Variants in STK39 observed in about 807,000 individuals in gnomAD.
STK39 encodes the protein STE20/SPS1-related proline-alanine-rich protein kinase.
In STK39, 20 loss-of-function variants were observed where a neutral mutation model predicts 77.8. That is an observed-to-expected ratio of 0.26 (90% CI 0.18 to 0.37). The LOEUF is 0.37. Among genes scored for constraint, STK39 ranks in the 10% least tolerant of loss-of-function variants. The pLI is 1.00. For synonymous variants in STK39, 246 were observed against 234.1 expected, an observed-to-expected ratio of 1.05 and a Z score of -0.47; for missense variants, 479 against 656.5, an observed-to-expected ratio of 0.73 and a Z score of 2.95.
At chr2:168,002,271 A>G (rs1252507708) in intron 16 of STK39, among the ~76,000 whole-genome samples, 1 of 152,244 alleles carries the variant, frequency 6.6e-6, no homozygotes, top group Non-Finnish European at 1.5e-5. Context: ...TACTGCTGCA[A>G]TGAGTCATAA....
intron 5 of STK39, among the ~76,000 whole-genome samples, chr2:168,153,759 G>C (rs931987767): frequency 2.0e-5 from 3 of 152,130 alleles, no homozygotes; most frequent in Non-Finnish European, 4.4e-5. Flanking sequence ...AAAGATCCCG[G>C]GGCAGCAGCA....
intron 1 of STK39, among the ~76,000 whole-genome samples, chr2:168,224,684 TA>T (rs1690261510): frequency 6.6e-6 from 1 of 152,244 alleles, no homozygotes; most frequent in Non-Finnish European, 1.5e-5. Context: ...TAGTTTTTAA[TA>T]AAACAATAAT....
chr2:168,095,712 C>T (rs939172423), intron 10 of STK39, among the ~76,000 whole-genome samples: 9 of 150,240 alleles, frequency 6.0e-5, no homozygotes, highest in South Asian at 2.1e-4. Context: ...CTGCAAGCTC[C>T]GCCTCCTGGG....
rs140621556 is a variant in STK39, at chr2:168,164,929, G to A, written c.431-1049C>T. 6.8e-3 allele frequency among the ~76,000 whole-genome samples: 1,032 copies of A among 152,180 alleles called. 13 individuals are homozygous for A. Among genetic ancestry groups the A allele is most frequent in the African/African-American group, 0.023 (967 of 41,504 alleles). ...AGAGTTAACAAACGGCTTACCTCAG[G>A]ACCTGAATTTGGCTCTAGGCTCTTT... is the stretch of plus-strand genomic sequence containing the variant. On this transcript the variant is annotated intron_variant, in intron 3 of 17. Coordinates refer to ENST00000355999, the MANE Select transcript of STK39 (RefSeq NM_013233.3).
intron 12 of STK39, among the ~76,000 whole-genome samples, chr2:168,070,007 C>T (rs1373710408): frequency 6.6e-6 from 1 of 152,102 alleles, no homozygotes; most frequent in Non-Finnish European, 1.5e-5. Context: ...GCAAAATTGA[C>T]AGAAAGTCAT....
intron 10 of STK39, among the ~76,000 whole-genome samples, chr2:168,099,398 GT>G (rs1288773700): frequency 6.6e-6 from 1 of 152,190 alleles, no homozygotes; most frequent in African/African-American, 2.4e-5. Context: ...TTTTATTAAT[GT>G]TTATTACCAA....
intron 10 of STK39, among the ~76,000 whole-genome samples, chr2:168,107,558 A>T (rs1460291255): frequency 6.6e-6 from 1 of 152,220 alleles, no homozygotes; most frequent in Non-Finnish European, 1.5e-5. Context: ...GCCATCACAT[A>T]AAGGAAGTCT....
chr2:167,998,802 A>G (rs1432187221), intron 16 of STK39, among the ~76,000 whole-genome samples: 1 of 152,204 alleles, frequency 6.6e-6, no homozygotes, highest in Non-Finnish European at 1.5e-5. Flanking sequence ...CTGGGACATC[A>G]TCTCAGCTTT....
intron 10 of STK39, among the ~76,000 whole-genome samples, chr2:168,089,297 G>A (rs1184523053): frequency 2.0e-5 from 3 of 152,174 alleles, no homozygotes; most frequent in Non-Finnish European, 4.4e-5. Context: ...TGCATCATTT[G>A]AATTTTTATC....
At chr2:168,229,229 C>A (rs1232832345) in intron 1 of STK39, among the ~76,000 whole-genome samples, 1 of 151,776 alleles carries the variant, frequency 6.6e-6, no homozygotes, top group Non-Finnish European at 1.5e-5. Context: ...ACTAAAAATA[C>A]AAAAATTAGC....
At chr2:168,018,598 G>GAAAGAAAT (rs1342198688) in intron 14 of STK39, among the ~76,000 whole-genome samples, 8 of 149,276 alleles carry the variant, frequency 5.4e-5, no homozygotes, top group Non-Finnish European at 7.5e-5. Context: ...AAGAAAGAAA[G>GAAAGAAAT]AAATTGCAGT....
At chr2:168,240,620 AGAT>A (rs1447775234) in intron 1 of STK39, among the ~76,000 whole-genome samples, 1 of 152,246 alleles carries the variant, frequency 6.6e-6, no homozygotes, top group African/African-American at 2.4e-5. Context: ...AGGGCTCTAA[AGAT>A]GATGAATATA....
chr2:168,126,195 GC>G (rs1687537013), intron 10 of STK39, among the ~76,000 whole-genome samples: 1 of 152,070 alleles, frequency 6.6e-6, no homozygotes, highest in Non-Finnish European at 1.5e-5. Context: ...TTGAAAAACA[GC>G]GAACTGATAA....
chr2:168,152,173 A>T (rs1688305058), intron 5 of STK39, among the ~76,000 whole-genome samples: 1 of 152,232 alleles, frequency 6.6e-6, no homozygotes, highest in African/African-American at 2.4e-5. Flanking sequence ...CTATTAAATA[A>T]GATAATTACA....
At chr2:168,111,501 T>C (rs967504035) in intron 10 of STK39, among the ~76,000 whole-genome samples, 4 of 152,240 alleles carry the variant, frequency 2.6e-5, no homozygotes, top group Non-Finnish European at 5.9e-5. Flanking sequence ...TGGTTGTTGC[T>C]ACTCAGATAC....
chr2:168,042,750 T>C (rs1341106206), intron 14 of STK39, among the ~76,000 whole-genome samples: 2 of 152,014 alleles, frequency 1.3e-5, no homozygotes, highest in Non-Finnish European at 2.9e-5. Flanking sequence ...CAGCTAATTT[T>C]TGTATTTTTA....
chr2:168,022,902 G>A (rs1290565905), intron 14 of STK39, among the ~76,000 whole-genome samples: 1 of 152,144 alleles, frequency 6.6e-6, no homozygotes, highest in Non-Finnish European at 1.5e-5. Context: ...TTATAAAACT[G>A]AAATTCGTTT....
At chr2:168,235,470 C>CT (rs1449601607) in intron 1 of STK39, among the ~76,000 whole-genome samples, 3 of 150,572 alleles carry the variant, frequency 2.0e-5, no homozygotes, top group Admixed American at 6.6e-5. Context: ...TATTATTATA[C>CT]TTTAAGTTTT....
At chr2:168,177,449 G>C (rs1688982703) in intron 2 of STK39, among the ~76,000 whole-genome samples, 1 of 151,906 alleles carries the variant, frequency 6.6e-6, no homozygotes, top group African/African-American at 2.4e-5. Context: ...AAATTGAAAG[G>C]GATCTATTTA....
Sources: gnomAD v4.1 joint callset for allele counts (sites outside exome capture counted in the v4.1 genomes callset) on GRCh38, gnomAD v4.1.1 for gene constraint, MANE v1.5 for transcripts, NCBI Gene and HGNC (gene_info 2026-07-23, HGNC 2026-07-21) for gene names.